SYNE2: variants seen among roughly 807,000 people sequenced by gnomAD.
The protein encoded by SYNE2 is spectrin repeat containing nuclear envelope protein 2.
SYNE2 carries 431 observed loss-of-function variants against 856.3 expected under a neutral mutation model. The observed-to-expected ratio is 0.50, with a 90% CI of 0.47 to 0.55. The LOEUF (loss-of-function observed/expected upper bound fraction) is 0.55. Ranked by LOEUF, SYNE2 falls within the 20% of genes least tolerant of loss-of-function variation. The pLI, the probability that SYNE2 is intolerant of heterozygous loss-of-function variation, is 0.00. For missense variants in SYNE2, 8,129 were observed against 8,023.2 expected (o/e 1.01, Z -0.50); for synonymous variants, 2,923 against 2,872.3 (o/e 1.02, Z -0.56).
At chr14:63,905,573 G>A (rs1158388818) in intron 1 of SYNE2, among the ~76,000 whole-genome samples, 5 of 152,026 alleles carry the variant, frequency 3.3e-5, no homozygotes, top group Admixed American at 6.6e-5. Flanking sequence ...TATTGTAAAC[G>A]GGATTATGTT....
intron 108 of SYNE2, among the ~76,000 whole-genome samples, chr14:64,217,842 G>A (rs923240291): frequency 1.3e-5 from 2 of 152,170 alleles, no homozygotes; most frequent in Non-Finnish European, 2.9e-5. Flanking sequence ...TATTTTTGGA[G>A]AGGCCCGAGA....
chr14:64,044,412 C>A (rs1843178659), intron 45 of SYNE2, among the ~76,000 whole-genome samples: 1 of 152,122 alleles, frequency 6.6e-6, no homozygotes, highest in African/African-American at 2.4e-5. Context: ...GGCTCATAGG[C>A]AAAGGGACTT....
chr14:64,144,059 A>T, intron 83 of SYNE2, 111 bp downstream of exon 83: 1 of 1,243,818 alleles, frequency 8.0e-7, no homozygotes, highest in South Asian at 1.2e-5. Flanking sequence ...CCTAATAATC[A>T]TCTCAACTAT....
chr14:64,156,804 G>A (rs1170208831), intron 85 of SYNE2, among the ~76,000 whole-genome samples: 2 of 152,062 alleles, frequency 1.3e-5, no homozygotes, highest in African/African-American at 4.8e-5. Flanking sequence ...CTTTTCCTTA[G>A]CCATCCTGCC....
intron 1 of SYNE2, among the ~76,000 whole-genome samples, chr14:63,883,792 G>A (rs997940568): frequency 1.3e-5 from 2 of 151,740 alleles, no homozygotes; most frequent in African/African-American, 4.8e-5. Flanking sequence ...CCAGACACAA[G>A]CTTGAAGTTT....
At chr14:63,797,078 CAAA>C (rs372872575) in intron 1 of SYNE2, among the ~76,000 whole-genome samples, 5 of 70,354 alleles carry the variant, frequency 7.1e-5, no homozygotes, top group Non-Finnish European at 6.1e-5. Flanking sequence ...GACTTCATCT[CAAA>C]AAAAAAAAAA....
chr14:64,143,077 T>A (rs2098152896), intron 82 of SYNE2, among the ~76,000 whole-genome samples: 1 of 152,208 alleles, frequency 6.6e-6, no homozygotes, highest in African/African-American at 2.4e-5. Context: ...AACTTCAGTG[T>A]GTAGTAAAAT....
chr14:64,200,067 C>A (rs932421320), intron 99 of SYNE2, among the ~76,000 whole-genome samples: 7 of 152,124 alleles, frequency 4.6e-5, no homozygotes, highest in Non-Finnish European at 7.3e-5. Context: ...TGTACCCAGG[C>A]TGTTGTGTTG....
chr14:64,117,837 G>T (rs940428656), intron 66 of SYNE2, among the ~76,000 whole-genome samples: 1 of 152,174 alleles, frequency 6.6e-6, no homozygotes, highest in Non-Finnish European at 1.5e-5. Flanking sequence ...CCGAGTGCTG[G>T]AGTATGAATA....
In SYNE2 at chr14:64,052,576, A is replaced by G; in HGVS notation, c.8663A>G (p.Asp2888Gly). The G allele has an allele frequency of 6.2e-7, 1 of 1,614,156 alleles. No homozygotes were observed. Among genetic ancestry groups the G allele is most frequent in the Non-Finnish European group, 8.5e-7 (1 of 1,180,038 alleles). ...EASQKELQEI[D>G]SGISTHLQEL... is the part of the protein sequence containing the mutation. ...TCTCAGAAGGAATTGCAAGAAATTG[A>G]CAGTGGAATCTCAACACATCTTCAG... The change falls in exon 48 of 116, where the codon GAC (aspartate) becomes GGC (glycine). Residue 2888 changes from aspartate to glycine, a missense_variant. Asp to Gly is a moderately conservative substitution (Grantham distance 94, BLOSUM62 -1). Coordinates refer to ENST00000555002, the MANE Select transcript of SYNE2 (RefSeq NM_182914.3).
At chr14:64,064,542 ATTTT>A (rs369447974) in intron 50 of SYNE2, among the ~76,000 whole-genome samples, 1 of 103,610 alleles carries the variant, frequency 9.7e-6, no homozygotes, top group African/African-American at 3.7e-5. Flanking sequence ...GTACTTTTAG[ATTTT>A]TTTTTTTTTT....
At chr14:63,877,687 G>A (rs920438801) in intron 1 of SYNE2, among the ~76,000 whole-genome samples, 13 of 152,220 alleles carry the variant, frequency 8.5e-5, no homozygotes, top group Non-Finnish European at 1.8e-4. Context: ...ATATTTAACA[G>A]TGGAGTTGGG....
At chr14:63,773,957 T>G (rs1887015676) in intron 1 of SYNE2, among the ~76,000 whole-genome samples, 1 of 152,178 alleles carries the variant, frequency 6.6e-6, no homozygotes, top group South Asian at 2.1e-4. Context: ...ATAATAAAAT[T>G]ATTAATGCTT....
At chr14:64,010,548 C>G (rs979970972) in intron 32 of SYNE2, among the ~76,000 whole-genome samples, 1 of 152,142 alleles carries the variant, frequency 6.6e-6, no homozygotes, top group African/African-American at 2.4e-5. Context: ...AGCTTATTAC[C>G]ACTTTGCTCC....
Position 63,865,620 on chromosome 14 carries a change from G to A in SYNE2, c.-52+12477G>A, listed in dbSNP as rs114792583. ...GCTGGTCTTGAACTCCTGACCTCAGGAGAATCACGTGAACCCAGGAGGTGG... is the reference window on the plus strand; with the variant it reads ...GCTGGTCTTGAACTCCTGACCTCAGAAGAATCACGTGAACCCAGGAGGTGG... On this transcript the variant is annotated intron_variant, in intron 1 of 115. Coordinates refer to ENST00000555002, the MANE Select transcript of SYNE2 (RefSeq NM_182914.3). Among the ~76,000 whole-genome samples, 1,327 of 150,680 alleles carry A rather than the reference G, an allele frequency of 8.8e-3. 16 individuals are homozygous for A. The highest frequency in any genetic ancestry group is 0.031 in the African/African-American group (1,251 of 40,976).
chr14:64,165,343 T>C lies in SYNE2; in HGVS notation c.16538T>C (p.Ile5513Thr), dbSNP rs754012123. ...CGGCTGGAATCTTTAAAAGGTCTTA[T>C]TATGCATGAAGAAGAGAATTTGGAT... ...GVRLESLKGL[I>T]MHEEENLDRL... Residue 5513 changes from isoleucine (I) to threonine (T), a missense_variant, in exon 90 of 116, where the codon ATT (isoleucine) becomes ACT (threonine). Ile to Thr is a moderately conservative substitution (Grantham distance 89). Around this residue, in one of 3 missense-constraint regions of SYNE2, gnomAD observed 5,410 missense variants for 5,284.8 expected, o/e 1.02. Coordinates refer to ENST00000555002, the MANE Select transcript of SYNE2 (RefSeq NM_182914.3). The C allele has an allele frequency of 1.2e-6, 2 of 1,613,806 alleles. No homozygotes were observed. Among genetic ancestry groups the C allele is most frequent in the South Asian group, 1.1e-5 (1 of 91,070 alleles).
intron 96 of SYNE2, 148 bp from the exon 97 acceptor site, chr14:64,186,276 G>C (rs892221751): frequency 3.0e-6 from 3 of 994,374 alleles, no homozygotes; most frequent in East Asian, 2.4e-5. Context: ...GCAGGCGCTC[G>C]TCTTGGGCTG....
At chr14:63,802,860 G>A (rs997126104) in intron 1 of SYNE2, among the ~76,000 whole-genome samples, 1 of 152,092 alleles carries the variant, frequency 6.6e-6, no homozygotes, top group Non-Finnish European at 1.5e-5. Context: ...CCTCCTGGTG[G>A]GCTCGTGGTC....
At chr14:63,898,697 A>G (rs1164905425) in intron 1 of SYNE2, among the ~76,000 whole-genome samples, 1 of 152,086 alleles carries the variant, frequency 6.6e-6, no homozygotes, top group Non-Finnish European at 1.5e-5. Context: ...GAATCACTGC[A>G]CCTGGCCCTC....
Sources: gnomAD v4.1 joint callset for allele counts (sites outside exome capture counted in the v4.1 genomes callset) on GRCh38, gnomAD v4.1.1 for gene constraint, gnomAD v4.1.1 regional missense constraint, MANE v1.5 for transcripts, NCBI Gene and HGNC (gene_info 2026-07-23, HGNC 2026-07-21) for gene names.